The following FANK1 variants were observed in gnomAD, a reference collection of about 807,000 sequenced individuals.
FANK1 encodes the protein fibronectin type III and ankyrin repeat domains 1, also known as fibronectin type 3 and ankyrin repeat domains protein 1.
Under a neutral mutation model 45.3 loss-of-function variants are expected in FANK1, and 44 were observed. The observed-to-expected ratio is 0.97, with a 90% CI of 0.76 to 1.25. The LOEUF (loss-of-function observed/expected upper bound fraction) is 1.25. Among genes scored for constraint, FANK1 ranks in the 50% most tolerant of loss-of-function variants. The pLI is 0.00. For missense variants in FANK1, 391 were observed against 424.4 expected (o/e 0.92, Z 0.69); for synonymous variants, 149 against 152.5 (o/e 0.98, Z 0.17).
At chr10:125,928,968 G>T (rs374774626) in intron 1 of FANK1, among the ~76,000 whole-genome samples, 59 of 152,206 alleles carry the variant, frequency 3.9e-4, no homozygotes, top group Non-Finnish European at 7.2e-4. Flanking sequence ...TATGGATAAC[G>T]TTTTTGGTTG....
chr10:126,006,561 A>C (rs576571609), intron 7 of FANK1, among the ~76,000 whole-genome samples: 2 of 152,262 alleles, frequency 1.3e-5, no homozygotes, highest in East Asian at 3.9e-4. Flanking sequence ...ACTTTGCTGA[A>C]AGAAGTCAAG....
At chr10:125,963,594 G>C (rs540261962) in intron 1 of FANK1, among the ~76,000 whole-genome samples, 4 of 152,246 alleles carry the variant, frequency 2.6e-5, no homozygotes, top group South Asian at 2.1e-4. Context: ...TCCTTTGTAG[G>C]GACATGGATG....
intron 1 of FANK1, among the ~76,000 whole-genome samples, chr10:125,948,675 A>T (rs527499859): frequency 6.6e-6 from 1 of 152,234 alleles, no homozygotes; most frequent in Non-Finnish European, 1.5e-5. Flanking sequence ...GCTGAATTCT[A>T]CCAGAGGTAC....
chr10:126,009,432 C>G lies in FANK1; in HGVS notation c.1032C>G (p.Val344=), dbSNP rs779824539. The change falls in exon 11 of 11, where the codon GTC becomes GTG. Residue 344 remains valine (V), a synonymous_variant. Coordinates refer to ENST00000368693, the MANE Select transcript of FANK1 (RefSeq NM_145235.5). Reference sequence around the variant, plus strand: ...AGCAGAGGCCAAAGAAGTCTTGTGTCTGCTGATGAGAGCACCACTCATCTG... The same window carrying G: ...AGCAGAGGCCAAAGAAGTCTTGTGTGTGCTGATGAGAGCACCACTCATCTG... The part of the protein sequence containing the change: ...KKKQRPKKSC[V]C 5 of 1,614,158 alleles carry G rather than the reference C, an allele frequency of 3.1e-6. No homozygotes were observed. Among genetic ancestry groups the G allele is most frequent in the Non-Finnish European group, 4.2e-6 (5 of 1,180,028 alleles).
intron 2 of FANK1, among the ~76,000 whole-genome samples, chr10:125,982,634 G>A (rs10901495): frequency 0.39 from 59,999 of 152,128 alleles, 12,025 homozygotes; most frequent in South Asian, 0.46. Flanking sequence ...TGTTTGGATT[G>A]TGGATTTAAG....
chr10:125,919,762 A>G (rs541958486), intron 1 of FANK1, among the ~76,000 whole-genome samples: 1 of 152,150 alleles, frequency 6.6e-6, no homozygotes, highest in South Asian at 2.1e-4. Context: ...GAATTTGATT[A>G]TTTTCTCATT....
chr10:125,980,443 G>T, intron 2 of FANK1, 105 bp downstream of exon 2: 1 of 1,272,848 alleles, frequency 7.9e-7, no homozygotes, highest in Non-Finnish European at 1.1e-6. Context: ...ATTAAAGAAT[G>T]AGTCAGCATC....
chr10:125,905,142 A>AC lies in FANK1; in HGVS notation c.13+8487_13+8488insC, dbSNP rs1425562704. Among the ~76,000 whole-genome samples, 97 of 98,236 alleles carry AC rather than the reference A, an allele frequency of 9.9e-4. 2 individuals are homozygous for AC. The highest frequency in any genetic ancestry group is 3.2e-3 in the African/African-American group (86 of 26,652). The allele number at this position is 98,236 out of a possible 152,430, so 64.4% of individuals were successfully genotyped here. ...CGAGACTCTGTCCCAAAAAAAAAAA[A>AC]AAAAAAAACAAAAAAAACGTTTCTG... is the stretch of plus-strand genomic sequence containing the variant. On this transcript the variant is annotated intron_variant, in intron 1 of 10. Transcript: ENST00000368693.
intron 2 of FANK1, among the ~76,000 whole-genome samples, chr10:125,982,544 GCTTC>G (rs1338347066): frequency 6.6e-6 from 1 of 152,200 alleles, no homozygotes; most frequent in East Asian, 1.9e-4. Context: ...GACCTCTTTT[GCTTC>G]CTTATTTCTT....
rs74162871 is a variant in FANK1 at position 125,896,610 on chromosome 10, G to T, written c.-33G>T. On this transcript the variant is annotated 5_prime_UTR_variant, in exon 1 of 11. Transcript: ENST00000368693. ...GGCTGAGAGGCGTTAGGAGTCCGGG[G>T]GTTCGCCCGCGGAGGCCGGGGAGCA... is the stretch of plus-strand genomic sequence containing the variant. 2.4e-6 allele frequency: 3 copies of T among 1,271,624 alleles called. No homozygotes were observed. Among genetic ancestry groups the T allele is most frequent in the Non-Finnish European group, 9.9e-7 (1 of 1,006,734 alleles). The allele number at this position is 1,271,624 out of a possible 1,614,324, so 78.8% of individuals were successfully genotyped here. A position where few individuals can be genotyped will look rare whatever the true frequency, so the allele number is the denominator to read the frequency against.
chr10:125,976,393 T>A (rs1175223206), intron 1 of FANK1, among the ~76,000 whole-genome samples: 1 of 152,240 alleles, frequency 6.6e-6, no homozygotes, highest in African/African-American at 2.4e-5. Context: ...AGGGATGATA[T>A]CTAGGAATAT....
rs971243222 is a variant in FANK1 at position 125,997,794 on chromosome 10, C to T, written c.539+309C>T. 8.1e-4 allele frequency among the ~76,000 whole-genome samples: 124 copies of T among 152,374 alleles called. 1 individual carries two copies. Among genetic ancestry groups the T allele is most frequent in the Admixed American group, 1.2e-3 (19 of 15,306 alleles). ...CAGCTACAGAGCAGCTCTCGCCATC[C>T]GCGCTGGGCGTGGGTGCAAGCGCCT... is the stretch of plus-strand genomic sequence containing the variant. On this transcript the variant is annotated intron_variant, in intron 6 of 10. Coordinates refer to ENST00000368693, the MANE Select transcript of FANK1 (RefSeq NM_145235.5).
At chr10:125,897,101 A>T (rs1169825785) in intron 1 of FANK1, among the ~76,000 whole-genome samples, 2 of 152,150 alleles carry the variant, frequency 1.3e-5, no homozygotes, top group African/African-American at 4.8e-5. Flanking sequence ...TTTATTAGAG[A>T]CCCCGTCTTA....
intron 1 of FANK1, among the ~76,000 whole-genome samples, chr10:125,915,467 G>A (rs4083998): frequency 0.98 from 149,836 of 152,324 alleles, 73,707 homozygotes; most frequent in East Asian, 1. Flanking sequence ...AATCATTTGC[G>A]TTATCTGTTC....
At chr10:125,897,419 CT>C (rs1944640336) in intron 1 of FANK1, among the ~76,000 whole-genome samples, 1 of 151,966 alleles carries the variant, frequency 6.6e-6, no homozygotes, top group African/African-American at 2.4e-5. Context: ...CTTATTGTTC[CT>C]TTTGTTCTCA....
rs181048374 is a variant in FANK1 at position 125,953,286 on chromosome 10, A to G, written c.14-26875A>G. ...AGTTTGGTGGTTTGCATCAGGCTCT[A>G]TGGCTGAAGTTGGAACCTTCAAGAG... On this transcript the variant is annotated intron_variant, in intron 1 of 10. Transcript: ENST00000368693. 4.1e-3 allele frequency among the ~76,000 whole-genome samples: 622 copies of G among 152,262 alleles called. 1 individual carries two copies. The highest frequency in any genetic ancestry group is 6.9e-3 in the Non-Finnish European group (472 of 68,016).
chr10:126,005,974 T>A (rs1233021973), intron 7 of FANK1, among the ~76,000 whole-genome samples: 1 of 152,242 alleles, frequency 6.6e-6, no homozygotes, highest in Non-Finnish European at 1.5e-5. Context: ...CGTCTATAGA[T>A]ATTTGAAGAT....
chr10:125,942,362 G>C (rs537575769), intron 1 of FANK1, among the ~76,000 whole-genome samples: 2 of 152,164 alleles, frequency 1.3e-5, no homozygotes, highest in African/African-American at 4.8e-5. Context: ...TGCACGTCCT[G>C]CACGTATATT....
intron 1 of FANK1, among the ~76,000 whole-genome samples, chr10:125,962,258 T>C (rs560052699): frequency 1.3e-5 from 2 of 152,334 alleles, no homozygotes; most frequent in East Asian, 1.9e-4. Context: ...CCACCATAGC[T>C]GCTTCTAAGA....
Sources: allele counts gnomAD v4.1 joint callset (sites outside exome capture counted in the v4.1 genomes callset), GRCh38; gene constraint gnomAD v4.1.1; transcripts MANE v1.5; gene names NCBI Gene and HGNC (gene_info 2026-07-23, HGNC 2026-07-21).